The following EPB41L4B variants were observed in gnomAD, a reference collection of about 807,000 sequenced individuals.
EPB41L4B encodes the protein erythrocyte membrane protein band 4.1 like 4B.
Under a neutral mutation model 112.5 loss-of-function variants are expected in EPB41L4B, and 30 were observed. That is an observed-to-expected ratio of 0.27 (90% CI 0.20 to 0.36). The LOEUF is 0.36. Ranked by LOEUF, EPB41L4B falls within the 10% of genes least tolerant of loss-of-function variation. The pLI is 1.00. For synonymous variants in EPB41L4B, 408 were observed against 439.7 expected (o/e 0.93, Z 0.90); for missense variants, 1,024 against 1,133.3 (o/e 0.90, Z 1.38).
At chr9:109,303,275 C>A (rs148950448) in intron 1 of EPB41L4B, among the ~76,000 whole-genome samples, 1 of 151,816 alleles carries the variant, frequency 6.6e-6, no homozygotes, top group African/African-American at 2.4e-5. Flanking sequence ...TTTTTAAATT[C>A]TTTAATCAAT....
At chr9:109,310,591 T>C (rs963498975) in intron 1 of EPB41L4B, among the ~76,000 whole-genome samples, 1 of 152,072 alleles carries the variant, frequency 6.6e-6, no homozygotes, top group Admixed American at 6.6e-5. Flanking sequence ...GGGAGAAAAC[T>C]TGCCTGCCAC....
In EPB41L4B at chr9:109,266,578, T is replaced by C. The variant is rs566292982; in HGVS notation, c.533+895A>G. Among the ~76,000 whole-genome samples, 11 of 152,206 alleles carry C rather than the reference T, an allele frequency of 7.2e-5. 1 individual carries two copies. The South Asian group carries it at 1.5e-3, about 20-fold the overall frequency. On this transcript the variant is annotated intron_variant, in intron 4 of 25. Coordinates refer to ENST00000374566, the MANE Select transcript of EPB41L4B (RefSeq NM_019114.5). ...AGAGAATTTCACTGATGGAAAAGGG[T>C]AGAGGGAAACTCCACATTTAAAATG...
In EPB41L4B at chr9:109,280,287, C is replaced by T. The variant is rs191247160; in HGVS notation, c.307-366G>A. Among the ~76,000 whole-genome samples, 22 of 152,308 alleles carry T rather than the reference C, an allele frequency of 1.4e-4. No homozygotes were observed. In the Middle Eastern group the frequency reaches 0.01, roughly 71 times the overall value. On this transcript the variant is annotated intron_variant, in intron 1 of 25. Transcript: ENST00000374566. ...GCGTAGCAAAAGCTGGGCTGTTTCT[C>T]AATGCAGGCAACCTTACTTAGGAAA... is the stretch of plus-strand genomic sequence containing the variant.
rs190116386 is a variant in EPB41L4B at position 109,178,372 on chromosome 9, T to C, written c.2488-1676A>G. ...TAAAGAAGACACTCTGATCATCAAA[T>C]GAGCAGTATCTTCTTTTTTTTTTTT... is the stretch of plus-strand genomic sequence containing the variant. On this transcript the variant is annotated intron_variant, in intron 24 of 25. Transcript: ENST00000374566. Among the ~76,000 whole-genome samples the C allele has an allele frequency of 7.3e-5, 11 of 151,080 alleles. No homozygotes were observed. The East Asian group carries it at 2.2e-3, about 30-fold the overall frequency.
At chr9:109,225,892 G>T (rs571147081) in intron 15 of EPB41L4B, among the ~76,000 whole-genome samples, 3 of 152,294 alleles carry the variant, frequency 2.0e-5, no homozygotes, top group South Asian at 4.2e-4. Flanking sequence ...CTGGAGAGGG[G>T]ACTTGCCTGA....
chr9:109,213,610 A>T, intron 17 of EPB41L4B, 90 bp downstream of exon 17: 1 of 1,040,024 alleles, frequency 9.6e-7, no homozygotes, highest in Non-Finnish European at 1.5e-6. Flanking sequence ...AGGCAAAGGC[A>T]CTTGGTTTAG....
At chr9:109,178,235 C>G (rs1237565695) in intron 24 of EPB41L4B, among the ~76,000 whole-genome samples, 2 of 151,930 alleles carry the variant, frequency 1.3e-5, no homozygotes, top group African/African-American at 4.8e-5. Context: ...TTTTTCAATG[C>G]ATAGTTTTTG....
In EPB41L4B at chr9:109,217,452, T is replaced by TA. The variant is rs549120780; in HGVS notation, c.1410-308dup. On this transcript the variant is annotated intron_variant, in intron 15 of 25. Coordinates refer to ENST00000374566, the MANE Select transcript of EPB41L4B (RefSeq NM_019114.5). ...TGAGAGGAAGAGGTAAAAACAATAA[T>TA]AAAAAATCATTTGTAAATAATCCTA... 3.3e-4 allele frequency among the ~76,000 whole-genome samples: 50 copies of TA among 152,314 alleles called. No individual in the cohort carries two copies. In the South Asian group the frequency reaches 0.01, roughly 31 times the overall value.
intron 1 of EPB41L4B, among the ~76,000 whole-genome samples, chr9:109,304,884 CA>C (rs1266694463): frequency 1.3e-5 from 2 of 152,086 alleles, no homozygotes; most frequent in African/African-American, 4.8e-5. Flanking sequence ...GGGTTAGGAA[CA>C]GGGGAGGAAT....
chr9:109,222,908 T>C (rs1041812992), intron 15 of EPB41L4B, among the ~76,000 whole-genome samples: 3 of 152,206 alleles, frequency 2.0e-5, no homozygotes, highest in Admixed American at 1.3e-4. Flanking sequence ...GACCCTGATC[T>C]CATTTCTTCT....
intron 15 of EPB41L4B, among the ~76,000 whole-genome samples, chr9:109,220,896 CTTCA>C (rs1307705876): frequency 6.6e-6 from 1 of 152,208 alleles, no homozygotes; most frequent in African/African-American, 2.4e-5. Context: ...TATCCACCCT[CTTCA>C]TGCCCCATGG....
rs75681978 is a variant in EPB41L4B, at chr9:109,242,330, G to A, written c.1409+1288C>T. ...CAAGCTTCCAGATGACACTAAAGCTGCCAACAGCAGGCCCACCCCAGAGAG... is the reference window on the plus strand; with the variant it reads ...CAAGCTTCCAGATGACACTAAAGCTACCAACAGCAGGCCCACCCCAGAGAG... On this transcript the variant is annotated intron_variant, in intron 15 of 25. Coordinates refer to ENST00000374566, the MANE Select transcript of EPB41L4B (RefSeq NM_019114.5). 5.3e-3 allele frequency among the ~76,000 whole-genome samples: 809 copies of A among 152,324 alleles called. 14 individuals carry two copies. In the East Asian group the frequency reaches 0.08, roughly 15 times the overall value.
intron 15 of EPB41L4B, among the ~76,000 whole-genome samples, chr9:109,224,670 A>T (rs188395140): frequency 2.6e-4 from 39 of 152,334 alleles, no homozygotes; most frequent in African/African-American, 8.9e-4. Context: ...AAAAACATTA[A>T]GTTGTACAAT....
chr9:109,276,362 T>TGAGAAACAGCAGAAG (rs1439969047), intron 2 of EPB41L4B, among the ~76,000 whole-genome samples: 54 of 150,198 alleles, frequency 3.6e-4, no homozygotes, highest in African/African-American at 1.2e-3. Flanking sequence ...TTTAAACAGG[T>TGAGAAACAGCAGAAG]GAGAAACAGC....
chr9:109,305,996 C>T (rs1265330587), intron 1 of EPB41L4B, among the ~76,000 whole-genome samples: 1 of 152,052 alleles, frequency 6.6e-6, no homozygotes, highest in Non-Finnish European at 1.5e-5. Flanking sequence ...GTGAAGGGGA[C>T]ACTGGGGAGC....
chr9:109,258,808 G>T (rs940793733), intron 6 of EPB41L4B, among the ~76,000 whole-genome samples: 3 of 152,196 alleles, frequency 2.0e-5, no homozygotes, highest in African/African-American at 7.2e-5. Flanking sequence ...AGGCAGGGAG[G>T]AGGGGTGCGA....
intron 1 of EPB41L4B, chr9:109,307,228 T>C (rs1588234794): frequency 4.1e-6 from 1 of 242,284 alleles, no homozygotes; most frequent in Non-Finnish European, 8.4e-6. Context: ...AAATTTTTCC[T>C]TTTTTTTTTT....
intron 1 of EPB41L4B, among the ~76,000 whole-genome samples, chr9:109,313,467 C>A (rs1837498366): frequency 6.6e-6 from 1 of 152,214 alleles, no homozygotes; most frequent in African/African-American, 2.4e-5. Context: ...GGCTCCAGCC[C>A]CACTCTGCCA....
At chr9:109,237,666 ACCACT>A (rs1262089520) in intron 15 of EPB41L4B, among the ~76,000 whole-genome samples, 1 of 151,910 alleles carries the variant, frequency 6.6e-6, no homozygotes, top group Non-Finnish European at 1.5e-5. Context: ...GGGTTACTAG[ACCACT>A]GGAGGGGGTG....
Sources: gnomAD v4.1 joint callset for allele counts (sites outside exome capture counted in the v4.1 genomes callset) on GRCh38, gnomAD v4.1.1 for gene constraint, MANE v1.5 for transcripts, NCBI Gene and HGNC (gene_info 2026-07-23, HGNC 2026-07-21) for gene names.